The following NBEA variants were observed in gnomAD, a reference collection of about 807,000 sequenced individuals.
NBEA encodes neurobeachin, also known as lysosomal-trafficking regulator 2.
A neutral mutation model predicts 343.4 loss-of-function variants in NBEA; 44 were observed. The observed-to-expected ratio is 0.13, with a 90% CI of 0.10 to 0.16. NBEA has a LOEUF of 0.16. Ranked by LOEUF, NBEA falls within the 10% of genes least tolerant of loss-of-function variation. NBEA has a pLI of 1.00. For synonymous variants in NBEA, 1,175 were observed against 1,238.7 expected, an observed-to-expected ratio of 0.95 and a Z score of 1.08; for missense variants, 2,555 against 3,631.3, an observed-to-expected ratio of 0.70 and a Z score of 7.62.
At chr13:35,156,994 CTA>C (rs1398464836) in intron 20 of NBEA, 82 bp from the exon 21 acceptor site, 2 of 1,163,566 alleles carry the variant, frequency 1.7e-6, no homozygotes, top group Admixed American at 2.6e-5. Context: ...CATATTTTCA[CTA>C]TTTTATTTAT....
Position 35,106,695 on chromosome 13 carries a change from A to G in NBEA, c.1681-2595A>G, listed in dbSNP as rs142618120. ...ACACAATTTTAGAAAAATATTTTCC[A>G]AAGAATAATTTTAGAATGCAAATCT... On this transcript the variant is annotated intron_variant, in intron 11 of 58. Transcript: ENST00000379939. 5.6e-3 allele frequency among the ~76,000 whole-genome samples: 859 copies of G among 152,062 alleles called. 6 individuals are homozygous for G. The highest frequency in any genetic ancestry group is 9.0e-3 in the Non-Finnish European group (613 of 67,868).
intron 36 of NBEA, among the ~76,000 whole-genome samples, chr13:35,319,866 G>A (rs1176242099): frequency 6.6e-6 from 1 of 150,792 alleles, no homozygotes; most frequent in Non-Finnish European, 1.5e-5. Flanking sequence ...TGTCTGTTTT[G>A]ATCTTTGTTG....
chr13:35,074,232 T>C (rs938533475), intron 10 of NBEA, among the ~76,000 whole-genome samples: 8 of 152,176 alleles, frequency 5.3e-5, no homozygotes, highest in African/African-American at 1.9e-4. Context: ...AAATAGAAAC[T>C]TTATTTTCCT....
chr13:35,019,147 A>G (rs992099354), intron 1 of NBEA, among the ~76,000 whole-genome samples: 15 of 151,598 alleles, frequency 9.9e-5, no homozygotes, highest in African/African-American at 3.1e-4. Context: ...TGCTGGATTT[A>G]ATTTGGTATA....
At chr13:35,269,600 G>A (rs1010890557) in intron 34 of NBEA, among the ~76,000 whole-genome samples, 6 of 152,120 alleles carry the variant, frequency 3.9e-5, no homozygotes, top group Non-Finnish European at 7.4e-5. Context: ...TAGTGGAAAC[G>A]AATATAGAAC....
chr13:35,232,474 A>T lies in NBEA; in HGVS notation c.5649-18A>T. ...TATTGAATTATATTTATTAGTTTTT[A>T]TGTCTTAATTTCAACAGCATCACTG... On this transcript the variant is annotated intron_variant, in intron 33 of 58. Transcript: ENST00000379939. 1 of 1,488,076 alleles carries T rather than the reference A, an allele frequency of 6.7e-7. No individual in the cohort carries two copies. Among genetic ancestry groups the T allele is most frequent in the Non-Finnish European group, 9.1e-7 (1 of 1,102,542 alleles). 92.2% of individuals were successfully genotyped at this position (1,488,076 alleles called of 1,614,324 possible).
chr13:35,325,888 C>A (rs538678504), intron 36 of NBEA, among the ~76,000 whole-genome samples: 13 of 152,104 alleles, frequency 8.5e-5, no homozygotes, highest in African/African-American at 2.9e-4. Context: ...AGGTAGCTAT[C>A]CTAGCACCAT....
At chr13:35,512,318 T>A (rs2077306416) in intron 41 of NBEA, among the ~76,000 whole-genome samples, 1 of 152,214 alleles carries the variant, frequency 6.6e-6, no homozygotes, top group Non-Finnish European at 1.5e-5. Context: ...GGATTAAACC[T>A]GAATAGCAGA....
At chr13:35,215,245 CATA>C (rs2074001963) in intron 33 of NBEA, among the ~76,000 whole-genome samples, 1 of 151,658 alleles carries the variant, frequency 6.6e-6, no homozygotes, top group Non-Finnish European at 1.5e-5. Context: ...GACTCTTCAT[CATA>C]ATACTGAGTA....
intron 21 of NBEA, among the ~76,000 whole-genome samples, chr13:35,157,651 T>C (rs1324787890): frequency 6.6e-6 from 1 of 152,150 alleles, no homozygotes; most frequent in African/African-American, 2.4e-5. Flanking sequence ...TATTTCCAAG[T>C]GAATCATAAA....
intron 1 of NBEA, among the ~76,000 whole-genome samples, chr13:34,995,957 C>T (rs562339175): frequency 6.6e-5 from 10 of 152,282 alleles, no homozygotes; most frequent in African/African-American, 2.2e-4. Context: ...CTGGGCTTGA[C>T]CAGAATTAGC....
At chr13:35,224,253 A>G (rs1481946736) in intron 33 of NBEA, among the ~76,000 whole-genome samples, 1 of 152,128 alleles carries the variant, frequency 6.6e-6, no homozygotes, top group East Asian at 1.9e-4. Flanking sequence ...TTCACTTGCA[A>G]AATTCTTTTT....
intron 10 of NBEA, among the ~76,000 whole-genome samples, chr13:35,078,023 A>AAT: frequency 6.6e-6 from 1 of 152,174 alleles, no homozygotes; most frequent in Non-Finnish European, 1.5e-5. Context: ...GATTTAACAG[A>AAT]ATACTTCATT....
At chr13:34,975,354 G>A (rs1054432858) in intron 1 of NBEA, among the ~76,000 whole-genome samples, 9 of 152,128 alleles carry the variant, frequency 5.9e-5, no homozygotes, top group African/African-American at 2.2e-4. Context: ...AAAGCATAAA[G>A]TGGCAAAAGG....
intron 38 of NBEA, among the ~76,000 whole-genome samples, chr13:35,394,415 G>A (rs912511782): frequency 6.6e-6 from 1 of 151,896 alleles, no homozygotes; most frequent in Non-Finnish European, 1.5e-5. Flanking sequence ...TGTGATCATT[G>A]ATGAAAACTT....
At chr13:35,359,713 CTTTG>C (rs1427375601) in intron 38 of NBEA, among the ~76,000 whole-genome samples, 1 of 151,762 alleles carries the variant, frequency 6.6e-6, no homozygotes, top group East Asian at 1.9e-4. Flanking sequence ...TATAGTTTTT[CTTTG>C]TTTATTTTAG....
chr13:35,511,547 C>T (rs1447641216), intron 41 of NBEA, among the ~76,000 whole-genome samples: 2 of 152,124 alleles, frequency 1.3e-5, no homozygotes, highest in Non-Finnish European at 2.9e-5. Context: ...GTTATCCACA[C>T]ATCCAGTATC....
At chr13:35,019,630 A>T (rs1161266995) in intron 1 of NBEA, among the ~76,000 whole-genome samples, 1 of 152,186 alleles carries the variant, frequency 6.6e-6, no homozygotes, top group Admixed American at 6.5e-5. Context: ...CTGTGAAATC[A>T]TCCAGATCTG....
At chr13:35,668,306 G>A in intron 57 of NBEA, 62 bp from the exon 58 acceptor site, 2 of 1,504,166 alleles carry the variant, frequency 1.3e-6, no homozygotes, top group African/African-American at 1.4e-5. Flanking sequence ...TGAGAGAAAT[G>A]GTTGTTGTGT....
Sources: gnomAD v4.1 joint callset for allele counts (sites outside exome capture counted in the v4.1 genomes callset) on GRCh38, gnomAD v4.1.1 for gene constraint, MANE v1.5 for transcripts, NCBI Gene and HGNC (gene_info 2026-07-23, HGNC 2026-07-21) for gene names.